AKAP13: variants seen among roughly 807,000 people sequenced by gnomAD.
The protein encoded by AKAP13 is A-kinase anchoring protein 13.
AKAP13 carries 80 observed loss-of-function variants against 264.5 expected under a neutral mutation model. That is an observed-to-expected ratio of 0.30 (90% CI 0.25 to 0.36). The LOEUF (loss-of-function observed/expected upper bound fraction) is 0.36, where lower values mean the gene tolerates loss of function less well. Among genes scored for constraint, AKAP13 ranks in the 10% least tolerant of loss-of-function variants. The probability of loss-of-function intolerance (pLI) is 1.00; values close to 1 mark genes in which losing one functional copy is unlikely to be tolerated. For missense variants in AKAP13, 3,712 were observed against 3,435.2 expected, an observed-to-expected ratio of 1.08 and a Z score of -2.01; for synonymous variants, 1,380 against 1,250.2, an observed-to-expected ratio of 1.10 and a Z score of -2.19.
intron 30 of AKAP13, among the ~76,000 whole-genome samples, chr15:85,733,940 C>T (rs941934420): frequency 7.6e-5 from 9 of 119,064 alleles, no homozygotes; most frequent in East Asian, 4.5e-4. Flanking sequence ...TGCAATGGTG[C>T]GATCTTGGCT....
intron 1 of AKAP13, among the ~76,000 whole-genome samples, chr15:85,482,270 G>T (rs1000228990): frequency 2.0e-5 from 3 of 152,052 alleles, no homozygotes; most frequent in African/African-American, 7.2e-5. Context: ...CCTTCCCTCA[G>T]CACCATGTTT....
intron 19 of AKAP13, among the ~76,000 whole-genome samples, chr15:85,710,855 CTG>C (rs1339705247): frequency 2.0e-5 from 3 of 152,150 alleles, no homozygotes; most frequent in Non-Finnish European, 4.4e-5. Context: ...CTAAAACAGT[CTG>C]TGTATTAGCT....
intron 16 of AKAP13, among the ~76,000 whole-genome samples, chr15:85,689,550 T>A (rs1247323174): frequency 6.6e-6 from 1 of 152,250 alleles, no homozygotes; most frequent in Non-Finnish European, 1.5e-5. Flanking sequence ...ATTTTGCCAG[T>A]TGTTAAACAT....
At chr15:85,714,786 G>A (rs2086828114) in intron 19 of AKAP13, among the ~76,000 whole-genome samples, 1 of 152,258 alleles carries the variant, frequency 6.6e-6, no homozygotes, top group East Asian at 1.9e-4. Context: ...GGCCAACGTA[G>A]TGAAACCCCG....
At chr15:85,505,689 G>A (rs2076199496) in intron 2 of AKAP13, among the ~76,000 whole-genome samples, 1 of 152,086 alleles carries the variant, frequency 6.6e-6, no homozygotes, top group Non-Finnish European at 1.5e-5. Flanking sequence ...ACTTTGAGGT[G>A]TCTTTTAAAG....
rs544475490 is a variant in AKAP13 at position 85,686,315 on chromosome 15, C to T, written c.5289+1442C>T. On this transcript the variant is annotated intron_variant, in intron 16 of 36. Coordinates refer to ENST00000394518, the MANE Select transcript of AKAP13 (RefSeq NM_007200.5). ...AGAATATTGTCATAAAAGGGCATTG[C>T]CTCCTCCCTCACAAAACAAGGTGCA... Among the ~76,000 whole-genome samples the T allele has an allele frequency of 5.3e-5, 8 of 152,272 alleles. No homozygotes were observed. In the East Asian group the frequency reaches 1.2e-3, roughly 22 times the overall value.
At chr15:85,437,554 T>G (rs1233202883) in intron 1 of AKAP13, among the ~76,000 whole-genome samples, 14 of 151,866 alleles carry the variant, frequency 9.2e-5, no homozygotes, top group Admixed American at 2.0e-4. Context: ...TGATGAACAT[T>G]GATGCAAAAA....
intron 8 of AKAP13, among the ~76,000 whole-genome samples, chr15:85,598,939 A>T (rs1382534): frequency 0.2 from 30,902 of 152,162 alleles, 4,159 homozygotes; most frequent in Middle Eastern, 0.41. Flanking sequence ...CCAGAAAGTG[A>T]TGCGTGTATC....
intron 1 of AKAP13, among the ~76,000 whole-genome samples, chr15:85,440,495 G>A (rs929176688): frequency 2.6e-5 from 4 of 152,092 alleles, no homozygotes; most frequent in Admixed American, 1.3e-4. Context: ...TCTTAAACAG[G>A]CCGATGAAAA....
In AKAP13 at chr15:85,387,412, C is replaced by A. The variant is rs560371914; in HGVS notation, c.-12+6614C>A. Among the ~76,000 whole-genome samples, 4 of 152,280 alleles carry A rather than the reference C, an allele frequency of 2.6e-5. No individual in the cohort carries two copies. In the East Asian group the frequency reaches 7.7e-4, roughly 29 times the overall value. Reference sequence around the variant, plus strand: ...GTGGTAGGATAACCACTCACTGCAGCCTTGATCTCCTGGGCCCAAGCGATT... The same window carrying A: ...GTGGTAGGATAACCACTCACTGCAGACTTGATCTCCTGGGCCCAAGCGATT... On this transcript the variant is annotated intron_variant, in intron 1 of 36. Coordinates refer to ENST00000394518, the MANE Select transcript of AKAP13 (RefSeq NM_007200.5).
At chr15:85,476,292 T>C (rs571045595) in intron 1 of AKAP13, among the ~76,000 whole-genome samples, 12 of 152,296 alleles carry the variant, frequency 7.9e-5, no homozygotes, top group African/African-American at 2.6e-4. Context: ...GCATGGTGGA[T>C]GGCTTCTGAG....
At chr15:85,552,478 A>G (rs1446318967) in intron 5 of AKAP13, among the ~76,000 whole-genome samples, 2 of 152,236 alleles carry the variant, frequency 1.3e-5, no homozygotes, top group East Asian at 3.8e-4. Flanking sequence ...AGACATAAAT[A>G]AGGCGCAGTA....
At chr15:85,492,703 T>C (rs1368241250) in intron 2 of AKAP13, among the ~76,000 whole-genome samples, 1 of 152,226 alleles carries the variant, frequency 6.6e-6, no homozygotes, top group Non-Finnish European at 1.5e-5. Flanking sequence ...ATAATGTCCA[T>C]TATAGCACCC....
At position 85,415,318 on chromosome 15, in the gene AKAP13, C is replaced by T. The variant is rs2072190188; in HGVS notation, c.-12+34520C>T. The T allele has an allele frequency of 1.9e-6, 3 of 1,577,286 alleles. 1 individual carries two copies. The Admixed American group carries it at 5.0e-5, about 26-fold the overall frequency. ...GTGAAGGAGCTAGGAGTGGGAATAG[C>T]TTTGCGAAAAATGGACACAATAGCC... On this transcript the variant is annotated intron_variant, in intron 1 of 36. Coordinates refer to ENST00000394518, the MANE Select transcript of AKAP13 (RefSeq NM_007200.5).
rs140260439 is a variant in AKAP13 at position 85,743,705 on chromosome 15, G to A, written c.8272G>A (p.Glu2758Lys). ...AACCAGCCAGACAAACAAAGGACCAGAAGGGCAGAGCCAGGCCCCTGCGTC... is the reference window on the plus strand; with the variant it reads ...AACCAGCCAGACAAACAAAGGACCAAAAGGGCAGAGCCAGGCCCCTGCGTC... ...SSTSQTNKGP[E>K]GQSQAPASTS... is the part of the protein sequence containing the mutation. Residue 2758 changes from glutamate to lysine, a missense_variant, in exon 36 of 37, where the codon GAA becomes AAA. Transcript: ENST00000394518. 3.0e-4 allele frequency: 484 copies of A among 1,614,158 alleles called. No individual in the cohort carries two copies. Among genetic ancestry groups the A allele is most frequent in the Non-Finnish European group, 3.7e-4 (436 of 1,180,046 alleles).
chr15:85,728,680 T>C (rs1223440580), intron 29 of AKAP13, among the ~76,000 whole-genome samples: 1 of 151,880 alleles, frequency 6.6e-6, no homozygotes, highest in African/African-American at 2.4e-5. Flanking sequence ...CTGAAAAAAA[T>C]TATCTCAGCA....
chr15:85,442,490 A>ATATATT (rs1491272735), intron 1 of AKAP13, among the ~76,000 whole-genome samples: 32 of 110,456 alleles, frequency 2.9e-4, no homozygotes, highest in Non-Finnish European at 5.0e-4. Flanking sequence ...TAATATATAT[A>ATATATT]ATATATATTA....
chr15:85,578,976 C>T lies in AKAP13; in HGVS notation c.908C>T (p.Thr303Ile), dbSNP rs1420576288. ...QMDSLMPLMM[T>I]AQDPSSAPET... ...GACAGTCTTATGCCCTTAATGATGA[C>T]AGCACAGGATCCTTCCAGTGCCCCA... The change falls in exon 7 of 37, where the codon ACA becomes ATA. Residue 303 changes from threonine (T) to isoleucine (I), a missense_variant. This residue lies in a region of AKAP13 where 2,759 missense variants were observed against 2,411.7 expected (regional missense o/e 1.14). Transcript: ENST00000394518. 1.2e-6 allele frequency: 2 copies of T among 1,614,020 alleles called. No individual in the cohort carries two copies. The highest frequency in any genetic ancestry group is 1.1e-5 in the South Asian group (1 of 91,080).
chr15:85,703,254 G>A (rs1263283557), intron 17 of AKAP13, among the ~76,000 whole-genome samples: 1 of 152,156 alleles, frequency 6.6e-6, no homozygotes, highest in Non-Finnish European at 1.5e-5. Context: ...TTGATTAAAG[G>A]AAGGAAGTTT....
Sources: allele counts gnomAD v4.1 joint callset (sites outside exome capture counted in the v4.1 genomes callset), GRCh38; gene constraint gnomAD v4.1.1; regional missense constraint gnomAD v4.1.1; transcripts MANE v1.5; gene names NCBI Gene and HGNC (gene_info 2026-07-23, HGNC 2026-07-21).